The following GALNT10 variants were observed in gnomAD, a reference collection of about 807,000 sequenced individuals.
GALNT10 encodes the protein GalNAc transferase 10.
A neutral mutation model predicts 75.0 loss-of-function variants in GALNT10; 41 were observed. The observed-to-expected ratio is 0.55, with a 90% confidence interval of 0.43 to 0.71. The LOEUF (loss-of-function observed/expected upper bound fraction) is 0.71, where lower values mean the gene tolerates loss of function less well. Among genes scored for constraint, GALNT10 ranks in the 30% least tolerant of loss-of-function variants. The pLI is 0.00. For missense variants in GALNT10, 727 were observed against 818.5 expected (o/e 0.89, Z 1.36); for synonymous variants, 302 against 313.0 (o/e 0.96, Z 0.37).
intron 1 of GALNT10, among the ~76,000 whole-genome samples, chr5:154,191,347 C>G (rs183620388): frequency 6.6e-6 from 1 of 152,068 alleles, no homozygotes; most frequent in Non-Finnish European, 1.5e-5. Flanking sequence ...ATCCCTGTAT[C>G]CCAGGATGAC....
chr5:154,336,751 G>C (rs985995492), intron 4 of GALNT10, among the ~76,000 whole-genome samples: 1 of 152,010 alleles, frequency 6.6e-6, no homozygotes, highest in Admixed American at 6.6e-5. Flanking sequence ...AGACCATTCT[G>C]TATAATCATA....
At chr5:154,372,622 G>A (rs868839817) in intron 4 of GALNT10, among the ~76,000 whole-genome samples, 1 of 152,316 alleles carries the variant, frequency 6.6e-6, no homozygotes, top group South Asian at 2.1e-4. Flanking sequence ...CACTGCGGGC[G>A]GCTATGCATG....
intron 3 of GALNT10, among the ~76,000 whole-genome samples, chr5:154,320,684 C>T (rs1443155788): frequency 6.6e-6 from 1 of 152,090 alleles, no homozygotes; most frequent in Non-Finnish European, 1.5e-5. Context: ...CCAGAGAATG[C>T]TGGATGAAAT....
intron 3 of GALNT10, among the ~76,000 whole-genome samples, chr5:154,322,500 C>A (rs1450759978): frequency 2.0e-5 from 3 of 152,084 alleles, no homozygotes; most frequent in Non-Finnish European, 4.4e-5. Flanking sequence ...GGTCCTTAAC[C>A]TCAATCATGT....
intron 4 of GALNT10, among the ~76,000 whole-genome samples, chr5:154,339,712 T>G (rs1476815449): frequency 2.0e-5 from 3 of 152,208 alleles, no homozygotes; most frequent in Non-Finnish European, 4.4e-5. Flanking sequence ...TGGGTGAACC[T>G]TCTACATTTT....
At chr5:154,262,551 T>C (rs573523138) in intron 1 of GALNT10, among the ~76,000 whole-genome samples, 1 of 152,234 alleles carries the variant, frequency 6.6e-6, no homozygotes, top group East Asian at 1.9e-4. Context: ...TCAGATTCCC[T>C]AGAGTCCATC....
In GALNT10 at chr5:154,416,250, G is replaced by A. The variant is rs930655516; in HGVS notation, c.1653+318G>A. Among the ~76,000 whole-genome samples the A allele has an allele frequency of 2.0e-5, 3 of 151,750 alleles. No homozygotes were observed. Among genetic ancestry groups the A allele is most frequent in the African/African-American group, 7.3e-5 (3 of 41,264 alleles). On this transcript the variant is annotated intron_variant, in intron 11 of 11. Coordinates refer to ENST00000297107, the MANE Select transcript of GALNT10 (RefSeq NM_198321.4). The surrounding 1 kb of genome is among the most constrained non-coding windows in gnomAD (Gnocchi z 4.5). ...AGGTCAGGAGTTCGAGACTAGCCTGGCCAACATGGTGAAACCCCGTCTCTA... is the reference window on the plus strand; with the variant it reads ...AGGTCAGGAGTTCGAGACTAGCCTGACCAACATGGTGAAACCCCGTCTCTA...
chr5:154,325,969 T>C (rs1754749813), intron 3 of GALNT10, among the ~76,000 whole-genome samples: 1 of 152,130 alleles, frequency 6.6e-6, no homozygotes, highest in Non-Finnish European at 1.5e-5. Context: ...ACCTAAGAAA[T>C]TCTAAGGAGT....
intron 5 of GALNT10, among the ~76,000 whole-genome samples, chr5:154,378,177 G>A (rs766939622): frequency 6.6e-6 from 1 of 152,204 alleles, no homozygotes; most frequent in Admixed American, 6.5e-5. Context: ...CTGACAGAGC[G>A]CATCATGGCT....
Position 154,270,602 on chromosome 5 carries a change from T to A in GALNT10, c.160-24214T>A, listed in dbSNP as rs527965229. On this transcript the variant is annotated intron_variant, in intron 1 of 11. Coordinates refer to ENST00000297107, the MANE Select transcript of GALNT10 (RefSeq NM_198321.4). ...AAACGCTTTCCTATGCATGTTGCCC[T>A]TTGATCCTCCAGTCAGCTGGATGAA... 2.0e-5 allele frequency among the ~76,000 whole-genome samples: 3 copies of A among 152,278 alleles called. No homozygotes were observed. In the South Asian group the frequency reaches 6.2e-4, roughly 32 times the overall value.
chr5:154,324,598 G>A (rs1271269459), intron 3 of GALNT10, among the ~76,000 whole-genome samples: 2 of 152,236 alleles, frequency 1.3e-5, no homozygotes, highest in African/African-American at 4.8e-5. Context: ...AGTTATGGAT[G>A]TGAATATTTT....
Position 154,416,920 on chromosome 5 carries a change from G to A in GALNT10, c.1760G>A (p.Trp587Ter), listed in dbSNP as rs1370795976. Residue 587 changes from tryptophan (W) to a stop codon, truncating the protein, a stop_gained, in exon 12 of 12, where the codon TGG becomes TAG. Coordinates refer to ENST00000297107, the MANE Select transcript of GALNT10 (RefSeq NM_198321.4). LOFTEE classifies it high-confidence loss of function. The surrounding 1 kb of genome is among the most constrained non-coding windows in gnomAD (Gnocchi z 4.5). Reference sequence around the variant, plus strand: ...AACCCATCCTCTCTCACCCAGCAGTGGCTGTTTGAACACACCAACTCAACA... The same window carrying A: ...AACCCATCCTCTCTCACCCAGCAGTAGCTGTTTGAACACACCAACTCAACA... ...TCNPSSLTQQ[W>*]LFEHTNSTVL... 5 of 1,614,066 alleles carry A rather than the reference G, an allele frequency of 3.1e-6. No homozygotes were observed. Among genetic ancestry groups the A allele is most frequent in the Non-Finnish European group, 3.4e-6 (4 of 1,179,912 alleles).
rs368270817 is a variant in GALNT10, at chr5:154,408,743, T to G, written c.1165-798T>G. On this transcript the variant is annotated intron_variant, in intron 8 of 11. Transcript: ENST00000297107. ...TTCCAGCTGCTGATGGAATTACACC[T>G]TTTGGTTTCAAATTATAATTTGCCT... 1.1e-4 allele frequency among the ~76,000 whole-genome samples: 17 copies of G among 152,276 alleles called. No individual in the cohort carries two copies. In the East Asian group the frequency reaches 1.4e-3, roughly 12 times the overall value.
intron 4 of GALNT10, among the ~76,000 whole-genome samples, chr5:154,336,196 T>C (rs1188919818): frequency 6.6e-6 from 1 of 152,232 alleles, no homozygotes; most frequent in Non-Finnish European, 1.5e-5. Flanking sequence ...TAACATTCCA[T>C]TGTCTGGGTA....
At chr5:154,246,822 CA>C (rs1189201572) in intron 1 of GALNT10, among the ~76,000 whole-genome samples, 1 of 152,198 alleles carries the variant, frequency 6.6e-6, no homozygotes, top group Admixed American at 6.5e-5. Context: ...AATTAGATCC[CA>C]TTTGTCAATT....
intron 4 of GALNT10, among the ~76,000 whole-genome samples, chr5:154,341,181 C>G (rs1438574541): frequency 6.6e-6 from 1 of 152,186 alleles, no homozygotes; most frequent in Non-Finnish European, 1.5e-5. Context: ...TTCACAGATG[C>G]AGGCTGCCTT....
At chr5:154,271,739 C>T (rs1275689946) in intron 1 of GALNT10, among the ~76,000 whole-genome samples, 8 of 152,174 alleles carry the variant, frequency 5.3e-5, no homozygotes, top group Non-Finnish European at 1.2e-4. Flanking sequence ...AAAATGCACA[C>T]CTAGAGAGGA....
intron 1 of GALNT10, among the ~76,000 whole-genome samples, chr5:154,192,768 A>T (rs1774879078): frequency 6.6e-6 from 1 of 151,728 alleles, no homozygotes; most frequent in African/African-American, 2.4e-5. Flanking sequence ...CCTAGTGCAA[A>T]CTCTCCTTTA....
intron 3 of GALNT10, among the ~76,000 whole-genome samples, chr5:154,310,449 T>TGTTTG (rs200601415): frequency 1.6e-3 from 203 of 125,270 alleles, no homozygotes; most frequent in African/African-American, 3.5e-3. Flanking sequence ...TTGTTTTTTT[T>TGTTTG]TTTGTTTGTT....
Sources: allele counts gnomAD v4.1 joint callset (sites outside exome capture counted in the v4.1 genomes callset), GRCh38; gene constraint gnomAD v4.1.1; non-coding constraint Gnocchi (gnomAD v3.1); transcripts MANE v1.5; gene names NCBI Gene and HGNC (gene_info 2026-07-23, HGNC 2026-07-21).